Variants in RALA observed in about 807,000 individuals in gnomAD.
RALA encodes RAS like proto-oncogene A.
RALA carries 5 observed loss-of-function variants against 24.0 expected under a neutral mutation model. The ratio of observed to expected loss-of-function variants is 0.21; its 90% CI spans 0.11 to 0.44. The LOEUF is 0.44. Ranked by LOEUF, RALA falls within the 20% of genes least tolerant of loss-of-function variation. RALA has a pLI of 0.99. For missense variants in RALA, 95 were observed against 241.2 expected (o/e 0.39, Z 4.01); for synonymous variants, 77 against 83.8 (o/e 0.92, Z 0.44).
At chr7:39,664,287 G>A (rs1480339982) in intron 1 of RALA, among the ~76,000 whole-genome samples, 1 of 152,158 alleles carries the variant, frequency 6.6e-6, no homozygotes, top group Admixed American at 6.5e-5. Flanking sequence ...AACACCAGCT[G>A]CCAGTCTTTA....
In RALA at chr7:39,685,070, G is replaced by A. The variant is rs929007267; in HGVS notation, c.-37-1561G>A. ...GCCATTGAAAGTAATGGCCAAAACC[G>A]CAATTACTTTGGCGCCAACCTAATA... On this transcript the variant is annotated intron_variant, in intron 1 of 4. Coordinates refer to ENST00000005257, the MANE Select transcript of RALA (RefSeq NM_005402.4). 3.9e-4 allele frequency among the ~76,000 whole-genome samples: 60 copies of A among 152,156 alleles called. 1 individual carries two copies. Among genetic ancestry groups the A allele is most frequent in the African/African-American group, 9.4e-4 (39 of 41,546 alleles).
intron 3 of RALA, 152 bp downstream of exon 3, chr7:39,690,742 T>C: frequency 6.4e-6 from 4 of 625,204 alleles, no homozygotes; most frequent in Non-Finnish European, 1.1e-5. Context: ...TATGACTCTC[T>C]CTACTGTGTT....
intron 1 of RALA, among the ~76,000 whole-genome samples, chr7:39,646,063 T>A (rs1201668891): frequency 6.6e-6 from 1 of 152,252 alleles, no homozygotes; most frequent in East Asian, 1.9e-4. Context: ...AAGGCTATTT[T>A]AAAAATTTTT....
chr7:39,678,839 T>C (rs1034231511), intron 1 of RALA, among the ~76,000 whole-genome samples: 1 of 152,180 alleles, frequency 6.6e-6, no homozygotes, highest in Admixed American at 6.5e-5. Context: ...ATGACTAGTT[T>C]TAATTATATT....
intron 1 of RALA, among the ~76,000 whole-genome samples, chr7:39,658,067 C>T (rs1792124751): frequency 6.6e-6 from 1 of 152,178 alleles, no homozygotes; most frequent in Non-Finnish European, 1.5e-5. Context: ...GATGTTAAGA[C>T]ATGTTGGAAA....
chr7:39,655,486 G>T (rs951951591), intron 1 of RALA, among the ~76,000 whole-genome samples: 1 of 152,176 alleles, frequency 6.6e-6, no homozygotes, highest in Non-Finnish European at 1.5e-5. Context: ...GTCGTATGTT[G>T]TACCTCAATA....
intron 1 of RALA, among the ~76,000 whole-genome samples, chr7:39,670,019 C>T (rs1042851738): frequency 2.0e-5 from 3 of 152,126 alleles, no homozygotes; most frequent in Non-Finnish European, 4.4e-5. Context: ...ATATCAATAA[C>T]AGAAACTCAA....
At chr7:39,637,437 C>T (rs1259513976) in intron 1 of RALA, among the ~76,000 whole-genome samples, 1 of 152,182 alleles carries the variant, frequency 6.6e-6, no homozygotes, top group East Asian at 1.9e-4. Context: ...AAGATTTTAG[C>T]ACCAATTCAT....
chr7:39,663,707 C>T (rs866409977), intron 1 of RALA, among the ~76,000 whole-genome samples: 179 of 151,580 alleles, frequency 1.2e-3, no homozygotes, highest in African/African-American at 3.8e-3. Context: ...GCATTTGTTG[C>T]AAAATACATT....
chr7:39,672,853 G>A (rs910856239), intron 1 of RALA, among the ~76,000 whole-genome samples: 1 of 152,080 alleles, frequency 6.6e-6, no homozygotes, highest in African/African-American at 2.4e-5. Context: ...AAACTTTTTG[G>A]GGTAATGGAA....
intron 1 of RALA, among the ~76,000 whole-genome samples, chr7:39,678,444 AGAAAG>A (rs1792528085): frequency 6.6e-6 from 1 of 152,320 alleles, no homozygotes; most frequent in African/African-American, 2.4e-5. Context: ...GGAGGAAAGA[AGAAAG>A]GAAATAAGTA....
chr7:39,626,724 A>C (rs922651157), intron 1 of RALA, among the ~76,000 whole-genome samples: 1 of 152,228 alleles, frequency 6.6e-6, no homozygotes, highest in African/African-American at 2.4e-5. Context: ...AAAGTAACAG[A>C]ATCGTCCCTA....
chr7:39,623,637 C>CCTCCTCCTT lies in RALA; in HGVS notation c.-217_-209dup, dbSNP rs1791415560. On this transcript the variant is annotated 5_prime_UTR_variant, in exon 1 of 5. Coordinates refer to ENST00000005257, the MANE Select transcript of RALA (RefSeq NM_005402.4). The surrounding 1 kb of genome is among the most constrained non-coding windows in gnomAD (Gnocchi z 4.9). ...CCCCAGAGCAAAGCGTCGGAGTCCT[C>CCTCCTCCTT]CTCCTCCTTCTCCTCCTCCTCCTCC... The CCTCCTCCTT allele has an allele frequency of 6.5e-6, 1 of 154,154 alleles. No homozygotes were observed. The allele number at this position is 154,154 out of a possible 1,614,324, so 9.5% of individuals were successfully genotyped here.
At chr7:39,650,266 A>C (rs1486987957) in intron 1 of RALA, among the ~76,000 whole-genome samples, 1 of 152,186 alleles carries the variant, frequency 6.6e-6, no homozygotes, top group Admixed American at 6.5e-5. Context: ...TCTGGAGCCA[A>C]ATTCAGCCTG....
At chr7:39,656,714 T>C (rs2115983368) in intron 1 of RALA, among the ~76,000 whole-genome samples, 1 of 152,338 alleles carries the variant, frequency 6.6e-6, no homozygotes, top group Middle Eastern at 3.4e-3. Flanking sequence ...TCCTCCAGCA[T>C]GACAGATTGG....
At chr7:39,680,370 C>A (rs894700670) in intron 1 of RALA, among the ~76,000 whole-genome samples, 4 of 140,278 alleles carry the variant, frequency 2.9e-5, no homozygotes, top group Non-Finnish European at 6.1e-5. Context: ...GAGTGAGACT[C>A]TGTCTCAAAA....
At chr7:39,690,217 C>T (rs1290543113) in intron 2 of RALA, among the ~76,000 whole-genome samples, 165 bp from the exon 3 acceptor site, 1 of 152,128 alleles carries the variant, frequency 6.6e-6, no homozygotes, top group Non-Finnish European at 1.5e-5. Context: ...AAGAAATTGT[C>T]TAAAATTAAA....
intron 1 of RALA, among the ~76,000 whole-genome samples, chr7:39,678,749 G>C (rs1049975288): frequency 4.6e-5 from 7 of 152,116 alleles, no homozygotes; most frequent in African/African-American, 1.7e-4. Context: ...CCAATTTCTA[G>C]TTTATATAAG....
chr7:39,673,959 C>T (rs935356769), intron 1 of RALA, among the ~76,000 whole-genome samples: 1 of 151,786 alleles, frequency 6.6e-6, no homozygotes, highest in African/African-American at 2.4e-5. Context: ...GCCCAGGCAA[C>T]ATAGTGAGAC....
Sources: gnomAD v4.1 joint callset for allele counts (sites outside exome capture counted in the v4.1 genomes callset) on GRCh38, gnomAD v4.1.1 for gene constraint, Gnocchi (gnomAD v3.1) non-coding constraint, MANE v1.5 for transcripts, NCBI Gene and HGNC (gene_info 2026-07-23, HGNC 2026-07-21) for gene names.